TTC39C: variants seen among roughly 807,000 people sequenced by gnomAD.
The protein encoded by TTC39C is tetratricopeptide repeat protein 39C.
TTC39C carries 33 observed loss-of-function variants against 76.3 expected under a neutral mutation model. The observed-to-expected ratio is 0.43, with a 90% confidence interval of 0.33 to 0.58. TTC39C has a LOEUF of 0.58. Ranked by LOEUF, TTC39C falls within the 20% of genes least tolerant of loss-of-function variation. The probability of loss-of-function intolerance (pLI) is 0.04; values close to 1 mark genes in which losing one functional copy is unlikely to be tolerated. For synonymous variants in TTC39C, 254 were observed against 260.6 expected (o/e 0.97, Z 0.24); for missense variants, 595 against 701.4 (o/e 0.85, Z 1.71).
intron 1 of TTC39C, among the ~76,000 whole-genome samples, chr18:24,004,757 A>C (rs1293779367): frequency 6.6e-6 from 1 of 152,132 alleles, no homozygotes; most frequent in Non-Finnish European, 1.5e-5. Flanking sequence ...CTGTGCTTTC[A>C]CTCATTTTTC....
At chr18:24,061,513 T>G (rs976029646) in intron 1 of TTC39C, among the ~76,000 whole-genome samples, 2 of 151,586 alleles carry the variant, frequency 1.3e-5, no homozygotes, top group Admixed American at 6.6e-5. Flanking sequence ...ATGAATGCAT[T>G]TTGTGTAGAG....
intron 1 of TTC39C, among the ~76,000 whole-genome samples, chr18:24,055,678 C>G (rs191142507): frequency 7.7e-4 from 117 of 151,776 alleles, no homozygotes; most frequent in Non-Finnish European, 1.2e-3. Context: ...TCTCCAGTTC[C>G]ATAGGTTGGT....
rs1225960551 is a variant in TTC39C, at chr18:24,092,113, A to AT, written c.984+9032_984+9033insT. Among the ~76,000 whole-genome samples, 55 of 138,142 alleles carry AT rather than the reference A, an allele frequency of 4.0e-4. 2 individuals are homozygous for AT. Among genetic ancestry groups the AT allele is most frequent in the African/African-American group, 1.3e-3 (52 of 38,966 alleles). The allele number at this position is 138,142 out of a possible 152,430, so 90.6% of individuals were successfully genotyped here. A position where few individuals can be genotyped will look rare whatever the true frequency, so the allele number is the denominator to read the frequency against. On this transcript the variant is annotated intron_variant, in intron 6 of 13. Transcript: ENST00000317571. ...GTCTCAAAAAAAAAAAAAAAAAAAA[A>AT]AAAAAAAAAAAATAATAATAATAGA...
intron 11 of TTC39C, 40 bp from the exon 12 acceptor site, chr18:24,130,273 G>T: frequency 8.7e-7 from 1 of 1,152,342 alleles, no homozygotes; most frequent in Non-Finnish European, 1.3e-6. Context: ...ATGCTAAGTA[G>T]GAAAATGAAT....
At chr18:24,030,302 A>G (rs1271827207) in intron 1 of TTC39C, among the ~76,000 whole-genome samples, 1 of 152,234 alleles carries the variant, frequency 6.6e-6, no homozygotes, top group Non-Finnish European at 1.5e-5. Flanking sequence ...CTGATGAGTT[A>G]GGAAGATATT....
At chr18:24,047,945 T>A (rs1239577155) in intron 1 of TTC39C, among the ~76,000 whole-genome samples, 2 of 152,170 alleles carry the variant, frequency 1.3e-5, no homozygotes, top group African/African-American at 4.8e-5. Flanking sequence ...CTCATAAAAA[T>A]TAAAAATTAA....
intron 11 of TTC39C, among the ~76,000 whole-genome samples, chr18:24,129,680 A>G (rs1280897973): frequency 6.6e-6 from 1 of 151,404 alleles, no homozygotes; most frequent in East Asian, 1.9e-4. Context: ...AGGCTGAGGC[A>G]CGAGAATTGC....
intron 4 of TTC39C, among the ~76,000 whole-genome samples, chr18:24,070,898 A>G (rs551349263): frequency 7.9e-5 from 12 of 152,228 alleles, no homozygotes; most frequent in South Asian, 6.2e-4. Flanking sequence ...AAATGTAATA[A>G]AAGTTAAAGT....
intron 1 of TTC39C, among the ~76,000 whole-genome samples, chr18:24,057,984 A>T (rs767751926): frequency 6.6e-6 from 1 of 152,234 alleles, no homozygotes; most frequent in Non-Finnish European, 1.5e-5. Flanking sequence ...GCAGCCATAA[A>T]AAAGAATGAG....
chr18:24,061,251 T>G (rs1160148159), intron 1 of TTC39C, among the ~76,000 whole-genome samples: 3 of 151,318 alleles, frequency 2.0e-5, no homozygotes, highest in East Asian at 3.9e-4. Flanking sequence ...AAAAAATAGG[T>G]TTTTCACTAT....
At chr18:24,100,373 C>T (rs2084660570) in intron 6 of TTC39C, among the ~76,000 whole-genome samples, 1 of 152,226 alleles carries the variant, frequency 6.6e-6, no homozygotes, top group South Asian at 2.1e-4. Context: ...ATCCTGGCCC[C>T]TCCACTCTGG....
chr18:24,106,672 GATGGACAGCC>G (rs2084748535), intron 6 of TTC39C, among the ~76,000 whole-genome samples: 1 of 152,150 alleles, frequency 6.6e-6, no homozygotes, highest in South Asian at 2.1e-4. Flanking sequence ...GCAGCAGACT[GATGGACAGCC>G]ATGGGTTGTT....
At chr18:24,099,166 T>C (rs1461538447) in intron 6 of TTC39C, 1 of 151,066 alleles carries the variant, frequency 6.6e-6, no homozygotes, top group East Asian at 1.9e-4. Context: ...TAGTTTGGGC[T>C]GCTATAAAAG....
chr18:24,107,890 G>GGGT (rs1555776840), intron 6 of TTC39C, among the ~76,000 whole-genome samples: 1 of 143,972 alleles, frequency 6.9e-6, no homozygotes, highest in Non-Finnish European at 1.5e-5. Flanking sequence ...TCCCAAGTAG[G>GGGT]GGGGGGGGTA....
upstream of TTC39C, chr18:24,014,590 C>A: frequency 3.6e-6 from 1 of 278,462 alleles, no homozygotes; most frequent in Non-Finnish European, 6.4e-6. Flanking sequence ...GGGGCCCGCG[C>A]GAGTTGGGTG....
chr18:24,078,785 T>A (rs1309103591), intron 4 of TTC39C, among the ~76,000 whole-genome samples: 2 of 152,050 alleles, frequency 1.3e-5, no homozygotes, highest in African/African-American at 4.8e-5. Flanking sequence ...CAGTGTTCAA[T>A]GTACATCATA....
intron 6 of TTC39C, among the ~76,000 whole-genome samples, chr18:24,095,373 G>C (rs1003862308): frequency 4.6e-5 from 7 of 152,204 alleles, no homozygotes; most frequent in African/African-American, 1.7e-4. Context: ...TATCATTCAT[G>C]TGTTCACTGG....
chr18:24,080,277 G>A (rs1413302065), intron 4 of TTC39C, among the ~76,000 whole-genome samples: 1 of 152,154 alleles, frequency 6.6e-6, no homozygotes, highest in Non-Finnish European at 1.5e-5. Context: ...GTTGGATTCA[G>A]GTGATTCATT....
rs1342435350 is a variant in TTC39C, at chr18:24,080,708, A to G, written c.584A>G (p.Asp195Gly). 6.2e-7 allele frequency: 1 copy of G among 1,614,146 alleles called. No homozygotes were observed. The highest frequency in any genetic ancestry group is 1.1e-5 in the South Asian group (1 of 91,082). Reference protein sequence around the residue: ...KKLTEESLTSDAANDNHIVAE... With the variant: ...KKLTEESLTSGAANDNHIVAE... ...CTAACTGAAGAGTCCTTGACTTCTG[A>G]TGCTGCAAATGATAATCACATTGTG... The change falls in exon 5 of 14, where the codon GAT becomes GGT. Residue 195 changes from aspartate to glycine, a missense_variant. Asp to Gly is a moderately conservative substitution (Grantham distance 94, BLOSUM62 -1). Coordinates refer to ENST00000317571, the MANE Select transcript of TTC39C (RefSeq NM_001135993.2).
Sources: allele counts gnomAD v4.1 joint callset (sites outside exome capture counted in the v4.1 genomes callset), GRCh38; gene constraint gnomAD v4.1.1; transcripts MANE v1.5; gene names NCBI Gene and HGNC (gene_info 2026-07-23, HGNC 2026-07-21).